The following KAZN variants were observed in gnomAD, a reference collection of about 807,000 sequenced individuals.
KAZN encodes kazrin, periplakin interacting protein.
In KAZN, 40 loss-of-function variants were observed where a neutral mutation model predicts 87.4. That is an observed-to-expected ratio of 0.46 (90% CI 0.36 to 0.60). The LOEUF (loss-of-function observed/expected upper bound fraction) is 0.60. Ranked by LOEUF, KAZN falls within the 20% of genes least tolerant of loss-of-function variation. KAZN has a pLI of 0.00. For missense variants in KAZN, 898 were observed against 1,073.9 expected (o/e 0.84, Z 2.29); for synonymous variants, 466 against 458.3 (o/e 1.02, Z -0.22).
At chr1:14,583,058 C>T (rs1675649785) in intron 2 of KAZN, among the ~76,000 whole-genome samples, 1 of 152,200 alleles carries the variant, frequency 6.6e-6, no homozygotes, top group Admixed American at 6.5e-5. Context: ...CAATCCTTTA[C>T]CCTTATCAAC....
At chr1:14,218,642 T>C (rs540257311) in intron 2 of KAZN, among the ~76,000 whole-genome samples, 42 of 152,116 alleles carry the variant, frequency 2.8e-4, no homozygotes, top group African/African-American at 9.9e-4. Flanking sequence ...GCTCAATAAA[T>C]ATGTTTAAAT....
At chr1:14,688,517 G>A (rs1641090621) in intron 1 of KAZN, among the ~76,000 whole-genome samples, 3 of 152,242 alleles carry the variant, frequency 2.0e-5, no homozygotes, top group Admixed American at 6.5e-5. Context: ...CAAGCATCTT[G>A]TGTTAGAAAT....
At chr1:14,322,595 C>T (rs560919543) in intron 2 of KAZN, among the ~76,000 whole-genome samples, 1 of 152,300 alleles carries the variant, frequency 6.6e-6, no homozygotes, top group African/African-American at 2.4e-5. Flanking sequence ...CTTCCAGTAA[C>T]AGAATGGACT....
intron 1 of KAZN, among the ~76,000 whole-genome samples, chr1:14,909,267 G>T (rs1338313514): frequency 2.0e-5 from 3 of 152,216 alleles, no homozygotes; most frequent in African/African-American, 7.2e-5. Flanking sequence ...GATGGGGAAA[G>T]TGAGGCTCTG....
chr1:14,951,380 CT>C (rs1252859701), intron 1 of KAZN, among the ~76,000 whole-genome samples: 1 of 152,140 alleles, frequency 6.6e-6, no homozygotes, highest in Admixed American at 6.6e-5. Flanking sequence ...ACTGCTTAGC[CT>C]TGGGGTCCTG....
intron 2 of KAZN, among the ~76,000 whole-genome samples, chr1:14,564,195 T>A (rs189760582): frequency 2.6e-3 from 398 of 152,276 alleles, no homozygotes; most frequent in Non-Finnish European, 4.2e-3. Flanking sequence ...CTGAACTTAG[T>A]ATTTCATTCT....
At chr1:14,886,437 TACACACACAC>T (rs34119523) in intron 1 of KAZN, among the ~76,000 whole-genome samples, 4 of 147,212 alleles carry the variant, frequency 2.7e-5, no homozygotes, top group Non-Finnish European at 4.5e-5. Flanking sequence ...CACACACACA[TACACACACAC>T]ACACACACAC....
chr1:14,938,143 C>T (rs1026133046), intron 1 of KAZN, among the ~76,000 whole-genome samples: 4 of 151,986 alleles, frequency 2.6e-5, no homozygotes, highest in Non-Finnish European at 5.9e-5. Context: ...CAGTGGGGAC[C>T]CTGAGCAAGT....
At chr1:14,020,909 A>G (rs926853518) in intron 1 of KAZN, among the ~76,000 whole-genome samples, 1 of 150,930 alleles carries the variant, frequency 6.6e-6, no homozygotes, top group African/African-American at 2.5e-5. Context: ...TTGGAACCCG[A>G]GGGTCAGGCA....
At chr1:14,968,447 G>A (rs1266150623) in intron 2 of KAZN, among the ~76,000 whole-genome samples, 2 of 152,186 alleles carry the variant, frequency 1.3e-5, no homozygotes, top group African/African-American at 4.8e-5. Context: ...TCCATGGCCT[G>A]GGGCTTGGGG....
chr1:14,288,946 A>G (rs1387984465), intron 2 of KAZN, among the ~76,000 whole-genome samples: 2 of 152,198 alleles, frequency 1.3e-5, no homozygotes, highest in East Asian at 1.9e-4. Flanking sequence ...TGTACCCAGT[A>G]GTCATTCAGG....
intron 1 of KAZN, among the ~76,000 whole-genome samples, chr1:13,967,164 G>A (rs1474979690): frequency 2.6e-5 from 4 of 152,188 alleles, no homozygotes; most frequent in Admixed American, 2.6e-4. Context: ...TCAGGAAGTT[G>A]TAAAAATAGC....
chr1:14,985,483 T>C (rs1446650985), intron 2 of KAZN, among the ~76,000 whole-genome samples: 1 of 151,840 alleles, frequency 6.6e-6, no homozygotes, highest in African/African-American at 2.4e-5. Context: ...TGAGCTGAGA[T>C]CATGCCACTG....
chr1:14,859,085 T>A (rs1022141976), intron 1 of KAZN, among the ~76,000 whole-genome samples: 1 of 151,976 alleles, frequency 6.6e-6, no homozygotes, highest in Non-Finnish European at 1.5e-5. Flanking sequence ...CGGGCGCCTG[T>A]AGTCCCAGCT....
At chr1:13,923,562 G>C (rs1188062796) in intron 1 of KAZN, among the ~76,000 whole-genome samples, 2 of 121,628 alleles carry the variant, frequency 1.6e-5, no homozygotes, top group Non-Finnish European at 3.2e-5. Context: ...GACAGAGCGA[G>C]ACTCCATCTC....
chr1:14,804,472 T>A (rs1486761648), intron 1 of KAZN, among the ~76,000 whole-genome samples: 1 of 152,100 alleles, frequency 6.6e-6, no homozygotes, highest in African/African-American at 2.4e-5. Flanking sequence ...TCGGGCCCAG[T>A]GGGGTCAGCC....
Position 15,096,470 on chromosome 1 carries a change from C to T in KAZN, c.1547+1537C>T, listed in dbSNP as rs1358369750. 1.3e-5 allele frequency among the ~76,000 whole-genome samples: 2 copies of T among 152,240 alleles called. No homozygotes were observed. The highest frequency in any genetic ancestry group is 2.4e-5 in the African/African-American group (1 of 41,468). On this transcript the variant is annotated intron_variant, in intron 10 of 14. Transcript: ENST00000376030. This position sits in a 1 kb window ranked among gnomAD's most constrained non-coding sequence, Gnocchi z 4.5. ...GGGTGCGGCCTGCCCAGCCCCTGCCCCCGACAGCCTCGTCCCCCAGCATGG... is the reference window on the plus strand; with the variant it reads ...GGGTGCGGCCTGCCCAGCCCCTGCCTCCGACAGCCTCGTCCCCCAGCATGG...
intron 1 of KAZN, among the ~76,000 whole-genome samples, chr1:14,020,794 A>G (rs2101250940): frequency 6.6e-6 from 1 of 152,350 alleles, no homozygotes; most frequent in Admixed American, 6.5e-5. Context: ...ATATCTGGAT[A>G]GAAAGTAAAA....
chr1:14,541,326 A>G (rs969230378), intron 2 of KAZN, among the ~76,000 whole-genome samples: 6 of 152,202 alleles, frequency 3.9e-5, no homozygotes, highest in Admixed American at 3.9e-4. Context: ...AAAAGGAAAC[A>G]TTTCTATGAC....
Sources: gnomAD v4.1 joint callset for allele counts (sites outside exome capture counted in the v4.1 genomes callset) on GRCh38, gnomAD v4.1.1 for gene constraint, Gnocchi (gnomAD v3.1) non-coding constraint, MANE v1.5 for transcripts, NCBI Gene and HGNC (gene_info 2026-07-23, HGNC 2026-07-21) for gene names.